Variants in CEP112 observed in about 807,000 individuals in gnomAD.
CEP112 encodes the protein centrosomal protein 112.
A neutral mutation model predicts 153.0 loss-of-function variants in CEP112; 127 were observed. The ratio of observed to expected loss-of-function variants is 0.83; its 90% confidence interval spans 0.72 to 0.96. CEP112 has a LOEUF of 0.96. CEP112 is among the 40% of genes least tolerant of loss of function. CEP112 has a pLI of 0.00. For synonymous variants in CEP112, 358 were observed against 374.4 expected, an observed-to-expected ratio of 0.96 and a Z score of 0.51; for missense variants, 1,089 against 1,101.2, an observed-to-expected ratio of 0.99 and a Z score of 0.16.
chr17:65,920,362 A>ACAAACAAAAAAAATATAT (rs1230889770), intron 19 of CEP112, among the ~76,000 whole-genome samples: 1 of 42,778 alleles, frequency 2.3e-5, no homozygotes, highest in African/African-American at 8.6e-5. Flanking sequence ...AAACAAACAA[A>ACAAACAAAAAAAATATAT]ATATATATAT....
At chr17:66,150,245 TG>T (rs1427646394) in intron 4 of CEP112, among the ~76,000 whole-genome samples, 1 of 148,288 alleles carries the variant, frequency 6.7e-6, no homozygotes, top group Non-Finnish European at 1.5e-5. Flanking sequence ...TCACCCAGGC[TG>T]GAGTGCAGTG....
rs1039228970 is a variant in CEP112, at chr17:65,855,206, C to T, written c.2164-3172G>A. Among the ~76,000 whole-genome samples the T allele has an allele frequency of 2.0e-5, 3 of 152,186 alleles. No individual in the cohort carries two copies. The East Asian group carries it at 5.8e-4, about 29-fold the overall frequency. ...TGTAAGAAGGTGGGTTGCAGGAATG[C>T]TTTACCTTCTGCTCTTGTCTCTCTC... On this transcript the variant is annotated intron_variant, in intron 20 of 26. Coordinates refer to ENST00000535342, the MANE Select transcript of CEP112 (RefSeq NM_001199165.4).
chr17:65,897,831 G>T (rs113307985), intron 20 of CEP112, among the ~76,000 whole-genome samples: 3,047 of 151,842 alleles, frequency 0.02, 107 homozygotes, highest in African/African-American at 0.069. Flanking sequence ...TTAACATATG[G>T]AAAATATCAT....
intron 19 of CEP112, among the ~76,000 whole-genome samples, chr17:65,913,249 C>A (rs1277421359): frequency 6.6e-6 from 1 of 152,186 alleles, no homozygotes; most frequent in Middle Eastern, 3.2e-3. Flanking sequence ...GTTTCACAGA[C>A]TGATTTTATA....
At chr17:65,676,121 G>C (rs775924237) in intron 24 of CEP112, among the ~76,000 whole-genome samples, 8 of 152,178 alleles carry the variant, frequency 5.3e-5, no homozygotes, top group Non-Finnish European at 1.0e-4. Flanking sequence ...CAGATCACTT[G>C]AGGTCAGGAG....
intron 19 of CEP112, among the ~76,000 whole-genome samples, chr17:65,903,507 A>G (rs1489004948): frequency 6.6e-6 from 1 of 152,206 alleles, no homozygotes; most frequent in Non-Finnish European, 1.5e-5. Context: ...TTTAAAACAT[A>G]GGTTTCAAAA....
rs1484271054 is a variant in CEP112, at chr17:65,691,862, C to CA, written c.2608-2645dup. Among the ~76,000 whole-genome samples the CA allele has an allele frequency of 2.6e-5, 4 of 152,206 alleles. No homozygotes were observed. The East Asian group carries it at 7.7e-4, about 29-fold the overall frequency. On this transcript the variant is annotated intron_variant, in intron 23 of 26. Coordinates refer to ENST00000535342, the MANE Select transcript of CEP112 (RefSeq NM_001199165.4). ...CTCTAATCCATCCTCACACCACTGT[C>CA]AGAGTGAACTTCTTAAACTTAAATC...
chr17:65,681,950 G>A (rs1227288360), intron 24 of CEP112, among the ~76,000 whole-genome samples: 3 of 151,810 alleles, frequency 2.0e-5, no homozygotes, highest in Non-Finnish European at 4.4e-5. Flanking sequence ...AAAGCGCTGG[G>A]ATTACAGGCA....
chr17:65,746,500 T>TA (rs2051479247), intron 22 of CEP112, among the ~76,000 whole-genome samples: 1 of 151,966 alleles, frequency 6.6e-6, no homozygotes, highest in South Asian at 2.1e-4. Flanking sequence ...TAAGGATAAT[T>TA]AAAAAAACAA....
intron 12 of CEP112, among the ~76,000 whole-genome samples, chr17:66,049,245 A>G (rs1425605315): frequency 6.6e-6 from 1 of 152,052 alleles, no homozygotes; most frequent in Non-Finnish European, 1.5e-5. Context: ...AGTAACTTAT[A>G]AACCCAAGGG....
chr17:65,949,117 T>G (rs1223894566), intron 18 of CEP112, among the ~76,000 whole-genome samples: 1 of 152,236 alleles, frequency 6.6e-6, no homozygotes, highest in African/African-American at 2.4e-5. Context: ...ATTTTTTTAA[T>G]CAACTGATAA....
chr17:65,754,185 C>A (rs1172327797), intron 21 of CEP112, among the ~76,000 whole-genome samples: 1 of 152,178 alleles, frequency 6.6e-6, no homozygotes, highest in Non-Finnish European at 1.5e-5. Context: ...AACAGATGGC[C>A]TCCCTGAGAG....
chr17:66,158,066 C>A (rs11867307), intron 4 of CEP112, among the ~76,000 whole-genome samples: 5,187 of 152,206 alleles, frequency 0.034, 131 homozygotes, highest in Middle Eastern at 0.062. Flanking sequence ...ACTCTCCACC[C>A]CAAATCAACA....
At chr17:65,687,735 G>A (rs189579034) in intron 24 of CEP112, among the ~76,000 whole-genome samples, 10 of 152,184 alleles carry the variant, frequency 6.6e-5, no homozygotes, top group East Asian at 1.9e-4. Context: ...ATCCTCTATC[G>A]TGGGATCCTG....
chr17:65,671,774 C>T (rs912974224), intron 24 of CEP112, among the ~76,000 whole-genome samples: 1 of 152,044 alleles, frequency 6.6e-6, no homozygotes, highest in South Asian at 2.1e-4. Context: ...AATATGTCCA[C>T]AAGTAATTAG....
chr17:66,117,900 T>C (rs1225259335), intron 6 of CEP112, among the ~76,000 whole-genome samples: 2 of 152,078 alleles, frequency 1.3e-5, no homozygotes, highest in African/African-American at 4.8e-5. Context: ...CCAGCAGGTA[T>C]ATGAAAAAAA....
At chr17:66,110,337 GA>G (rs909158259) in intron 6 of CEP112, among the ~76,000 whole-genome samples, 44 of 104,348 alleles carry the variant, frequency 4.2e-4, no homozygotes, top group Admixed American at 9.8e-4. Flanking sequence ...GCTCAAAAAA[GA>G]AAAAAAAAAG....
chr17:66,133,046 A>G (rs1487353022), intron 4 of CEP112, among the ~76,000 whole-genome samples: 1 of 152,094 alleles, frequency 6.6e-6, no homozygotes, highest in African/African-American at 2.4e-5. Flanking sequence ...TCAAACAACA[A>G]CAACAACAAC....
chr17:65,773,837 T>G (rs2053523507), intron 21 of CEP112, among the ~76,000 whole-genome samples: 1 of 152,058 alleles, frequency 6.6e-6, no homozygotes, highest in African/African-American at 2.4e-5. Context: ...GTAATCCCAG[T>G]GCTTTGGGAG....
Sources: allele counts gnomAD v4.1 joint callset (sites outside exome capture counted in the v4.1 genomes callset), GRCh38; gene constraint gnomAD v4.1.1; transcripts MANE v1.5; gene names NCBI Gene and HGNC (gene_info 2026-07-23, HGNC 2026-07-21).